The following PAPPA variants were observed in gnomAD, a reference collection of about 807,000 sequenced individuals.
The protein encoded by PAPPA is pappalysin-1.
Under a neutral mutation model 164.0 loss-of-function variants are expected in PAPPA, and 60 were observed. The ratio of observed to expected loss-of-function variants is 0.37; its 90% CI spans 0.30 to 0.45. PAPPA has a LOEUF of 0.45. Among genes scored for constraint, PAPPA ranks in the 20% least tolerant of loss-of-function variants. The pLI is 1.00. For synonymous variants in PAPPA, 875 were observed against 814.1 expected (o/e 1.07, Z -1.27); for missense variants, 1,782 against 2,087.3 (o/e 0.85, Z 2.85).
chr9:116,199,526 T>TC (rs1321650630), intron 2 of PAPPA, among the ~76,000 whole-genome samples: 1 of 152,038 alleles, frequency 6.6e-6, no homozygotes, highest in Non-Finnish European at 1.5e-5. Context: ...CCACCTCTAC[T>TC]CCATCTCCCA....
chr9:116,252,752 A>G (rs1439432674), intron 7 of PAPPA, among the ~76,000 whole-genome samples: 2 of 152,218 alleles, frequency 1.3e-5, no homozygotes, highest in Non-Finnish European at 2.9e-5. Flanking sequence ...GCCTCCTGCC[A>G]TCTACTGCTC....
At chr9:116,303,643 T>C (rs1477546837) in intron 10 of PAPPA, among the ~76,000 whole-genome samples, 1 of 152,184 alleles carries the variant, frequency 6.6e-6, no homozygotes, top group Non-Finnish European at 1.5e-5. Flanking sequence ...GAGACTCAAA[T>C]TTCCCAGAGA....
At chr9:116,357,412 A>G (rs1846368177) in intron 17 of PAPPA, among the ~76,000 whole-genome samples, 1 of 152,166 alleles carries the variant, frequency 6.6e-6, no homozygotes, top group African/African-American at 2.4e-5. Flanking sequence ...TTGAGTGTCA[A>G]ATGTGTGCCA....
At chr9:116,340,890 C>T (rs974116776) in intron 13 of PAPPA, among the ~76,000 whole-genome samples, 3 of 152,074 alleles carry the variant, frequency 2.0e-5, no homozygotes, top group African/African-American at 7.2e-5. Context: ...ATTCATGGGA[C>T]CAAGGACCAT....
chr9:116,352,175 T>C (rs752125933), intron 15 of PAPPA, among the ~76,000 whole-genome samples: 20 of 152,142 alleles, frequency 1.3e-4, no homozygotes, highest in Non-Finnish European at 2.2e-4. Context: ...TCAAATCTCC[T>C]AACACAATGC....
At chr9:116,157,370 G>A (rs1843616481) in intron 1 of PAPPA, among the ~76,000 whole-genome samples, 1 of 152,170 alleles carries the variant, frequency 6.6e-6, no homozygotes, top group South Asian at 2.1e-4. Flanking sequence ...TTATTTTTCT[G>A]AAAGGAAAGG....
intron 10 of PAPPA, among the ~76,000 whole-genome samples, chr9:116,308,535 C>G (rs1334673941): frequency 6.6e-6 from 1 of 152,214 alleles, no homozygotes; most frequent in Non-Finnish European, 1.5e-5. Flanking sequence ...CAGGGCTCAT[C>G]TCTATAAGGG....
chr9:116,379,375 C>T (rs1846697100), intron 20 of PAPPA, among the ~76,000 whole-genome samples: 1 of 152,202 alleles, frequency 6.6e-6, no homozygotes, highest in Non-Finnish European at 1.5e-5. Flanking sequence ...GTTTTCTGCA[C>T]CATGCTGGGT....
intron 19 of PAPPA, among the ~76,000 whole-genome samples, chr9:116,376,310 C>T (rs548643488): frequency 7.7e-4 from 118 of 152,290 alleles, no homozygotes; most frequent in African/African-American, 2.7e-3. Context: ...TGAGCCACCA[C>T]GCCTGGCCAA....
chr9:116,335,681 C>G (rs917856110), intron 13 of PAPPA, among the ~76,000 whole-genome samples: 3 of 152,148 alleles, frequency 2.0e-5, no homozygotes, highest in African/African-American at 7.2e-5. Flanking sequence ...GAGCTACAAG[C>G]GAGTGGAGTT....
chr9:116,368,795 T>C (rs1486956314), intron 19 of PAPPA, among the ~76,000 whole-genome samples: 3 of 152,186 alleles, frequency 2.0e-5, no homozygotes. Context: ...AGGGAGCTAC[T>C]GTCTGCCTGC....
At chr9:116,210,206 G>A (rs920702369) in intron 3 of PAPPA, among the ~76,000 whole-genome samples, 7 of 152,094 alleles carry the variant, frequency 4.6e-5, no homozygotes, top group Non-Finnish European at 1.5e-5. Context: ...ACACTCACAT[G>A]CCCTCTCACA....
intron 4 of PAPPA, among the ~76,000 whole-genome samples, chr9:116,212,933 AC>A (rs1228580692): frequency 5.9e-5 from 9 of 152,114 alleles, no homozygotes; most frequent in Admixed American, 5.9e-4. Context: ...AACTATCCCC[AC>A]TCTACAGATG....
At chr9:116,199,286 T>C (rs546753715) in intron 2 of PAPPA, among the ~76,000 whole-genome samples, 1 of 152,218 alleles carries the variant, frequency 6.6e-6, no homozygotes, top group Non-Finnish European at 1.5e-5. Flanking sequence ...CGTTGGCAGA[T>C]AAATCTCTGC....
chr9:116,377,197 AACACACACATGCGCAC>A (rs1846665660), intron 19 of PAPPA, among the ~76,000 whole-genome samples: 1 of 149,762 alleles, frequency 6.7e-6, no homozygotes, highest in Non-Finnish European at 1.5e-5. Flanking sequence ...CACACATGCA[AACACACACATGCGCAC>A]ACACACACAC....
rs1302102007 is a variant in PAPPA, at chr9:116,187,073, A to G, written c.416-81A>G. On this transcript the variant is annotated intron_variant, in intron 1 of 21. Transcript: ENST00000328252. This position sits in a 1 kb window ranked among gnomAD's most constrained non-coding sequence, Gnocchi z 4.2. ...ATGAGTCTAGGATAACCTGATACAAATTTTATTAGAGAAAAATAACTTAAC... is the reference window on the plus strand; with the variant it reads ...ATGAGTCTAGGATAACCTGATACAAGTTTTATTAGAGAAAAATAACTTAAC... 2.9e-6 allele frequency: 3 copies of G among 1,037,008 alleles called. No homozygotes were observed. The highest frequency in any genetic ancestry group is 4.3e-6 in the Non-Finnish European group (3 of 697,300). 64.2% of individuals were successfully genotyped at this position (1,037,008 alleles called of 1,614,324 possible).
intron 1 of PAPPA, among the ~76,000 whole-genome samples, chr9:116,174,569 C>A (rs913855534): frequency 2.0e-5 from 3 of 152,098 alleles, no homozygotes; most frequent in Non-Finnish European, 2.9e-5. Context: ...AGATGAGGAA[C>A]CGAGGTCCAA....
At chr9:116,356,657 G>T (rs1243685488) in intron 17 of PAPPA, among the ~76,000 whole-genome samples, 1 of 152,232 alleles carries the variant, frequency 6.6e-6, no homozygotes, top group African/African-American at 2.4e-5. Context: ...TCAAAGATCA[G>T]ATGGTTGTAC....
rs146434653 is a variant in PAPPA at position 116,384,009 on chromosome 9, T to C, written c.4776+1516T>C. On this transcript the variant is annotated intron_variant, in intron 21 of 21. Transcript: ENST00000328252. ...TGCTTTTTATTTTGGTGTATTTTAT[T>C]CTGTGAATTTTGTTAAGTAAGTGTG... 4.6e-3 allele frequency among the ~76,000 whole-genome samples: 707 copies of C among 152,266 alleles called. 17 individuals carry two copies. Among genetic ancestry groups the C allele is most frequent in the Admixed American group, 0.04 (613 of 15,294 alleles).
Sources: gnomAD v4.1 joint callset for allele counts (sites outside exome capture counted in the v4.1 genomes callset) on GRCh38, gnomAD v4.1.1 for gene constraint, Gnocchi (gnomAD v3.1) non-coding constraint, MANE v1.5 for transcripts, NCBI Gene and HGNC (gene_info 2026-07-23, HGNC 2026-07-21) for gene names.